The following ZNF774 variants were observed in gnomAD, a reference collection of about 807,000 sequenced individuals.
ZNF774 encodes the protein zinc finger protein 774.
ZNF774 carries 14 observed loss-of-function variants against 11.1 expected under a neutral mutation model. The observed-to-expected ratio is 1.26, with a 90% CI of 0.83 to 1.97. The LOEUF (loss-of-function observed/expected upper bound fraction) is 1.97. ZNF774 is among the 30% of genes most tolerant of loss of function. The pLI is 0.00. For synonymous variants in ZNF774, 195 were observed against 212.6 expected (o/e 0.92, Z 0.72); for missense variants, 599 against 587.0 (o/e 1.02, Z -0.21).
chr15:90,355,660 T>C (rs1040752699), intron 2 of ZNF774, among the ~76,000 whole-genome samples: 4 of 141,878 alleles, frequency 2.8e-5, no homozygotes, highest in Admixed American at 7.3e-5. Context: ...GAGGTGGAGG[T>C]TGCAGTGAGC....
At position 90,360,549 on chromosome 15, in the gene ZNF774, T is replaced by C; in HGVS notation, c.718T>C (p.Cys240Arg). The change falls in exon 4 of 4, where the codon TGT (cysteine) becomes CGT (arginine). Residue 240 changes from cysteine to arginine, a missense_variant. By Grantham distance (180) the Cys-to-Arg change is radical (BLOSUM62 -3). Coordinates refer to ENST00000354377, the MANE Select transcript of ZNF774 (RefSeq NM_001004309.3). ...TGERPYECPE[C>R]GKTFGRKPHL... is the part of the protein sequence containing the mutation. ...GGAGAGACCCTATGAGTGCCCAGAG[T>C]GTGGAAAGACTTTTGGGCGGAAGCC... 5.0e-6 allele frequency: 8 copies of C among 1,613,630 alleles called. No individual in the cohort carries two copies. Among genetic ancestry groups the C allele is most frequent in the Non-Finnish European group, 6.8e-6 (8 of 1,179,924 alleles).
rs1478827642 is a variant in ZNF774 at position 90,360,374 on chromosome 15, C to T, written c.543C>T (p.Cys181=). 2 of 1,614,042 alleles carry T rather than the reference C, an allele frequency of 1.2e-6. No homozygotes were observed. Among genetic ancestry groups the T allele is most frequent in the Non-Finnish European group, 1.7e-6 (2 of 1,180,044 alleles). The change falls in exon 4 of 4, where the codon TGC becomes TGT. Residue 181 remains cysteine (C), a synonymous_variant. Transcript: ENST00000354377. The part of the protein sequence containing the change: ...RTHTGERPYT[C]IECGKGFKQS... The stretch of plus-strand genomic sequence containing the variant: ...ACACTGGCGAGAGGCCCTATACGTG[C>T]ATTGAGTGTGGGAAAGGCTTCAAAC...
rs1386757123 is a variant in ZNF774 at position 90,362,459 on chromosome 15, A to C, written c.*1176A>C. On this transcript the variant is annotated 3_prime_UTR_variant, in exon 4 of 4. Coordinates refer to ENST00000354377, the MANE Select transcript of ZNF774 (RefSeq NM_001004309.3). ...ATTACAGGGATCCTCCCTGGCATTT[A>C]GCTGAAGGAAGCAACTCTTGTTTTC... is the stretch of plus-strand genomic sequence containing the variant. 8.0e-7 allele frequency: 1 copy of C among 1,252,344 alleles called. No individual in the cohort carries two copies. Among genetic ancestry groups the C allele is most frequent in the African/African-American group, 1.5e-5 (1 of 67,196 alleles). 77.6% of individuals were successfully genotyped at this position (1,252,344 alleles called of 1,614,324 possible). A position where few individuals can be genotyped will look rare whatever the true frequency, so the allele number is the denominator to read the frequency against.
rs1964336021 is a variant in ZNF774, at chr15:90,361,405, CT to C, written c.*125del. 6.7e-7 allele frequency: 1 copy of C among 1,492,000 alleles called. No individual in the cohort carries two copies. The highest frequency in any genetic ancestry group is 1.4e-5 in the African/African-American group (1 of 71,428). 92.4% of individuals were successfully genotyped at this position (1,492,000 alleles called of 1,614,324 possible). On this transcript the variant is annotated 3_prime_UTR_variant, in exon 4 of 4. Coordinates refer to ENST00000354377, the MANE Select transcript of ZNF774 (RefSeq NM_001004309.3). The stretch of plus-strand genomic sequence containing the variant: ...ATTTGGGCCCTGATCTATTCTCCCT[CT>C]TTCTTGTCTATGTTATAACAGAGAG...
intron 2 of ZNF774, among the ~76,000 whole-genome samples, chr15:90,357,999 G>GA (rs1382906882): frequency 6.6e-6 from 1 of 151,210 alleles, no homozygotes; most frequent in East Asian, 1.9e-4. Context: ...GGGTTCAAGC[G>GA]ATTCTCCTGC....
intron 1 of ZNF774, 83 bp from the exon 2 acceptor site, chr15:90,354,559 C>T: frequency 1.2e-6 from 1 of 849,996 alleles, no homozygotes; most frequent in Non-Finnish European, 1.9e-6. Flanking sequence ...TGTTTGTGTA[C>T]ACTGGTGGCC....
chr15:90,352,387 C>T lies in ZNF774; in HGVS notation c.-44C>T, dbSNP rs1362959228. 2.0e-5 allele frequency: 3 copies of T among 152,462 alleles called. No homozygotes were observed. Among genetic ancestry groups the T allele is most frequent in the Non-Finnish European group, 2.9e-5 (2 of 68,260 alleles). 9.4% of individuals were successfully genotyped at this position (152,462 alleles called of 1,614,324 possible). A position where few individuals can be genotyped will look rare whatever the true frequency, so the allele number is the denominator to read the frequency against. ...GGCGGTGGAGGACTCACTTCCTGCT[C>T]CATCCCCGGCTGGGCCCTGGGGCGG... On this transcript the variant is annotated 5_prime_UTR_variant, in exon 1 of 4. Coordinates refer to ENST00000354377, the MANE Select transcript of ZNF774 (RefSeq NM_001004309.3).
Position 90,360,483 on chromosome 15 carries a change from G to A in ZNF774, c.652G>A (p.Asp218Asn). The stretch of plus-strand genomic sequence containing the variant: ...CAAGGGGTGTGAGAAGAAATTCAGC[G>A]ACAGCTCAACACTCATCAAACATCA... Reference protein sequence around the residue: ...QCKGCEKKFSDSSTLIKHQRT... With the variant: ...QCKGCEKKFSNSSTLIKHQRT... Residue 218 changes from aspartate to asparagine, a missense_variant, in exon 4 of 4, where the codon GAC becomes AAC. Coordinates refer to ENST00000354377, the MANE Select transcript of ZNF774 (RefSeq NM_001004309.3). 6 of 1,613,740 alleles carry A rather than the reference G, an allele frequency of 3.7e-6. No homozygotes were observed. Among genetic ancestry groups the A allele is most frequent in the Non-Finnish European group, 5.1e-6 (6 of 1,180,010 alleles).
At chr15:90,357,553 T>C (rs889615645) in intron 2 of ZNF774, among the ~76,000 whole-genome samples, 1 of 151,962 alleles carries the variant, frequency 6.6e-6, no homozygotes, top group Non-Finnish European at 1.5e-5. Flanking sequence ...CTGGGAAAAA[T>C]AGCAATAATA....
intron 2 of ZNF774, among the ~76,000 whole-genome samples, chr15:90,356,600 A>T (rs532390135): frequency 2.0e-5 from 3 of 152,198 alleles, no homozygotes; most frequent in Non-Finnish European, 4.4e-5. Context: ...TTACTATCCT[A>T]CCAGCATTTT....
chr15:90,356,799 G>T (rs1202322441), intron 2 of ZNF774, among the ~76,000 whole-genome samples: 3 of 152,116 alleles, frequency 2.0e-5, no homozygotes, highest in African/African-American at 7.2e-5. Context: ...TCAAACATTA[G>T]ATTGAACCAT....
intron 2 of ZNF774, among the ~76,000 whole-genome samples, chr15:90,358,122 G>T (rs893362729): frequency 1.3e-5 from 2 of 152,044 alleles, no homozygotes; most frequent in Non-Finnish European, 2.9e-5. Context: ...TCCTGACCTC[G>T]TAATCCGCCT....
rs1183658263 is a variant in ZNF774 at position 90,361,128 on chromosome 15, T to C, written c.1297T>C (p.Cys433Arg). ...RIHLGDRPYR[C>R]PECGKTFNQR... ...CCACTTAGGAGACAGGCCCTATCGA[T>C]GTCCTGAGTGTGGCAAGACCTTCAA... Residue 433 changes from cysteine (C) to arginine (R), a missense_variant, in exon 4 of 4, where the codon TGT (cysteine) becomes CGT (arginine). Physicochemically the swap from Cys to Arg is radical, Grantham distance 180. Transcript: ENST00000354377. 1 of 1,614,206 alleles carries C rather than the reference T, an allele frequency of 6.2e-7. No homozygotes were observed. Among genetic ancestry groups the C allele is most frequent in the Non-Finnish European group, 8.5e-7 (1 of 1,180,034 alleles).
intron 1 of ZNF774, among the ~76,000 whole-genome samples, chr15:90,354,206 A>G (rs1964213297): frequency 6.6e-6 from 1 of 152,046 alleles, no homozygotes; most frequent in Admixed American, 6.6e-5. Context: ...TCTGCAAGCC[A>G]AGAAGTTAGC....
chr15:90,361,187 G>A lies in ZNF774; in HGVS notation c.1356G>A (p.Thr452=), dbSNP rs1964330837. 6 of 1,614,060 alleles carry A rather than the reference G, an allele frequency of 3.7e-6. No homozygotes were observed. Among genetic ancestry groups the A allele is most frequent in the African/African-American group, 1.3e-5 (1 of 74,914 alleles). Residue 452 remains threonine (T), a synonymous_variant, in exon 4 of 4, where the codon ACG becomes ACA. Transcript: ENST00000354377. ...QRSHFLTHQR[T]HTGEKPFHCS... ...CCCATTTCCTCACACACCAGAGAAC[G>A]CATACAGGAGAAAAACCTTTCCACT...
At chr15:90,359,569 C>T (rs1964296566) in intron 3 of ZNF774, among the ~76,000 whole-genome samples, 2 of 152,052 alleles carry the variant, frequency 1.3e-5, no homozygotes, top group African/African-American at 4.8e-5. Context: ...ATTGTCCTGC[C>T]TCAGCCTCCC....
Position 90,362,451 on chromosome 15 carries a change from TG to T in ZNF774, c.*1170del. ...CAAATGATATTACAGGGATCCTCCC[TG>T]GCATTTAGCTGAAGGAAGCAACTCT... On this transcript the variant is annotated 3_prime_UTR_variant, in exon 4 of 4. Coordinates refer to ENST00000354377, the MANE Select transcript of ZNF774 (RefSeq NM_001004309.3). The T allele has an allele frequency of 8.6e-7, 1 of 1,167,892 alleles. No homozygotes were observed. The highest frequency in any genetic ancestry group is 1.2e-6 in the Non-Finnish European group (1 of 814,048). The allele number at this position is 1,167,892 out of a possible 1,614,324, so 72.3% of individuals were successfully genotyped here. A position where few individuals can be genotyped will look rare whatever the true frequency, so the allele number is the denominator to read the frequency against.
chr15:90,362,399 T>G lies in ZNF774; in HGVS notation c.*1116T>G, dbSNP rs1964348949. The G allele has an allele frequency of 1.4e-6, 1 of 711,742 alleles. No individual in the cohort carries two copies. Among genetic ancestry groups the G allele is most frequent in the African/African-American group, 1.8e-5 (1 of 56,620 alleles). 44.1% of individuals were successfully genotyped at this position (711,742 alleles called of 1,614,324 possible). ...AGGGACCTGGTAGAGGACTATAAAA[T>G]TGTGGAAGCAAAATTGCTGAGAATG... On this transcript the variant is annotated 3_prime_UTR_variant, in exon 4 of 4. Transcript: ENST00000354377.
At chr15:90,357,201 G>A (rs1964260668) in intron 2 of ZNF774, among the ~76,000 whole-genome samples, 1 of 151,502 alleles carries the variant, frequency 6.6e-6, no homozygotes, top group South Asian at 2.1e-4. Flanking sequence ...TTTCACAGTG[G>A]GTATTATAAT....
Sources: gnomAD v4.1 joint callset for allele counts (sites outside exome capture counted in the v4.1 genomes callset) on GRCh38, gnomAD v4.1.1 for gene constraint, MANE v1.5 for transcripts, NCBI Gene and HGNC (gene_info 2026-07-23, HGNC 2026-07-21) for gene names.